ITPKB: variants seen among roughly 807,000 people sequenced by gnomAD.
ITPKB encodes the protein IP3 3-kinase B.
A neutral mutation model predicts 69.4 loss-of-function variants in ITPKB; 13 were observed. The ratio of observed to expected loss-of-function variants is 0.19; its 90% CI spans 0.12 to 0.30. The LOEUF is 0.30. Among genes scored for constraint, ITPKB ranks in the 10% least tolerant of loss-of-function variants. The pLI, the probability that ITPKB is intolerant of heterozygous loss-of-function variation, is 1.00. For synonymous variants in ITPKB, 584 were observed against 513.7 expected (o/e 1.14, Z -1.85); for missense variants, 1,240 against 1,250.5 (o/e 0.99, Z 0.13).
rs760843632 is a variant in ITPKB, at chr1:226,638,318, C to T, written c.2554-568G>A. Among the ~76,000 whole-genome samples, 4 of 152,312 alleles carry T rather than the reference C, an allele frequency of 2.6e-5. No individual in the cohort carries two copies. In the East Asian group the frequency reaches 5.8e-4, roughly 22 times the overall value. ...GGGCTACGAAAGAGTCAGGCACATT[C>T]CCCCTGCCTGCAGCCTCAGAGCTTG... On this transcript the variant is annotated intron_variant, in intron 6 of 7. Transcript: ENST00000429204.
intron 2 of ITPKB, chr1:226,707,462 G>A: frequency 2.2e-6 from 2 of 894,766 alleles, no homozygotes; most frequent in Non-Finnish European, 2.7e-6. Context: ...CTCCTAAAGT[G>A]CTGGGATTAC....
At chr1:226,693,165 G>A (rs1169638135) in intron 2 of ITPKB, among the ~76,000 whole-genome samples, 1 of 152,224 alleles carries the variant, frequency 6.6e-6, no homozygotes, top group East Asian at 1.9e-4. Flanking sequence ...TGAGCAGACA[G>A]CACCCAGCTC....
intron 2 of ITPKB, among the ~76,000 whole-genome samples, chr1:226,718,861 C>G (rs1438380916): frequency 6.6e-6 from 1 of 152,168 alleles, no homozygotes; most frequent in African/African-American, 2.4e-5. Context: ...CAACTGCACT[C>G]CTGAGCATTT....
chr1:226,641,891 C>A lies in ITPKB; in HGVS notation c.2451+30G>T, dbSNP rs762455403. On this transcript the variant is annotated intron_variant, in intron 5 of 7. Transcript: ENST00000429204. This position sits in a 1 kb window ranked among gnomAD's most constrained non-coding sequence, Gnocchi z 4.6. ...CCCCCTGAGGTGGGCACGGGTGGGG[C>A]CCGAGGCTGCCCTCACTCGCCGGCC... 5.6e-6 allele frequency: 9 copies of A among 1,596,488 alleles called. No homozygotes were observed. Among genetic ancestry groups the A allele is most frequent in the Non-Finnish European group, 6.8e-6 (8 of 1,168,406 alleles).
chr1:226,653,086 C>T (rs866753821), intron 2 of ITPKB, among the ~76,000 whole-genome samples: 1 of 152,192 alleles, frequency 6.6e-6, no homozygotes, highest in Non-Finnish European at 1.5e-5. Context: ...ATGGGGCTCT[C>T]GCTATGTGAC....
In ITPKB at chr1:226,685,847, G is replaced by A. The variant is rs116025009; in HGVS notation, c.1933-37076C>T. Among the ~76,000 whole-genome samples, 610 of 152,344 alleles carry A rather than the reference G, an allele frequency of 4.0e-3. 4 individuals carry two copies. The highest frequency in any genetic ancestry group is 0.014 in the African/African-American group (592 of 41,582). Reference sequence around the variant, plus strand: ...TTCTCATCCATGAAGCTCTGGAGCTGGGGAAATGAAGCGGCTGGCTGCTGG... The same window carrying A: ...TTCTCATCCATGAAGCTCTGGAGCTAGGGAAATGAAGCGGCTGGCTGCTGG... On this transcript the variant is annotated intron_variant, in intron 2 of 7. Transcript: ENST00000429204.
chr1:226,695,658 C>A (rs1656462895), intron 2 of ITPKB, among the ~76,000 whole-genome samples: 1 of 152,250 alleles, frequency 6.6e-6, no homozygotes, highest in Non-Finnish European at 1.5e-5. Flanking sequence ...GGGGCCTCCC[C>A]CTCCCCTACA....
chr1:226,727,824 T>A (rs943753023), intron 2 of ITPKB, among the ~76,000 whole-genome samples: 4 of 152,144 alleles, frequency 2.6e-5, no homozygotes, highest in African/African-American at 9.7e-5. Context: ...TTACCCTTCA[T>A]CATTAATACG....
chr1:226,688,664 G>C (rs1224972629), intron 2 of ITPKB, among the ~76,000 whole-genome samples: 2 of 152,170 alleles, frequency 1.3e-5, no homozygotes, highest in African/African-American at 2.4e-5. Context: ...CAGCCTGCCG[G>C]GTCCCAGGCA....
chr1:226,667,629 C>A (rs991943169), intron 2 of ITPKB, among the ~76,000 whole-genome samples: 1 of 152,152 alleles, frequency 6.6e-6, no homozygotes, highest in Admixed American at 6.5e-5. Flanking sequence ...TCAGACCACC[C>A]ACATTTTCTG....
intron 2 of ITPKB, among the ~76,000 whole-genome samples, chr1:226,724,383 A>G (rs529088535): frequency 2.6e-5 from 4 of 152,046 alleles, no homozygotes; most frequent in Non-Finnish European, 4.4e-5. Flanking sequence ...TGCCTCAGAC[A>G]CCCTTATTCA....
At chr1:226,732,497 G>A (rs562582761) in intron 2 of ITPKB, among the ~76,000 whole-genome samples, 57 of 150,832 alleles carry the variant, frequency 3.8e-4, no homozygotes, top group Admixed American at 1.3e-3. Context: ...CTTGGCCTCC[G>A]AAAGTGCTGG....
intron 2 of ITPKB, among the ~76,000 whole-genome samples, chr1:226,726,217 T>G (rs536244885): frequency 1.3e-5 from 2 of 152,318 alleles, no homozygotes; most frequent in East Asian, 1.9e-4. Context: ...GAGTCACAAG[T>G]CTTTCAAGCA....
intron 2 of ITPKB, among the ~76,000 whole-genome samples, chr1:226,699,818 A>G (rs1328939095): frequency 6.6e-6 from 1 of 152,214 alleles, no homozygotes; most frequent in Non-Finnish European, 1.5e-5. Context: ...GACAGAACCA[A>G]TAGGATAGAT....
At chr1:226,726,383 G>A (rs544383666) in intron 2 of ITPKB, among the ~76,000 whole-genome samples, 6 of 152,350 alleles carry the variant, frequency 3.9e-5, no homozygotes, top group Admixed American at 2.0e-4. Flanking sequence ...AGAAGGCCAG[G>A]CTCAGTGGCT....
chr1:226,685,898 A>C (rs774689061), intron 2 of ITPKB, among the ~76,000 whole-genome samples: 14 of 152,232 alleles, frequency 9.2e-5, no homozygotes, highest in Non-Finnish European at 1.5e-4. Context: ...GTGGGGCAGC[A>C]CGAGGAAGGT....
chr1:226,734,790 T>C (rs1434448646), intron 2 of ITPKB, among the ~76,000 whole-genome samples: 1 of 152,210 alleles, frequency 6.6e-6, no homozygotes, highest in Non-Finnish European at 1.5e-5. Flanking sequence ...TGTCAACCTG[T>C]ACCAACTGAC....
chr1:226,700,372 G>C (rs1378667178), intron 2 of ITPKB, among the ~76,000 whole-genome samples: 1 of 147,858 alleles, frequency 6.8e-6, no homozygotes, highest in Non-Finnish European at 1.5e-5. Context: ...GGGAGGCTGA[G>C]ACAGGGGAAT....
At position 226,736,571 on chromosome 1, in the gene ITPKB, G is replaced by A. The variant is rs769406538; in HGVS notation, c.888C>T (p.Phe296=). The change falls in exon 2 of 8, where the codon TTC becomes TTT. Residue 296 remains phenylalanine, a synonymous_variant. Coordinates refer to ENST00000429204, the MANE Select transcript of ITPKB (RefSeq NM_002221.4). ...CCGTGGCCATCGTTAAGCTAGCTCC[G>A]AACAGCCCCAATGAGGGAGCTAGGC... ...RSCLAPSLGL[F]GASLTMATEV... The A allele has an allele frequency of 2.5e-6, 4 of 1,613,980 alleles. No homozygotes were observed. The highest frequency in any genetic ancestry group is 3.4e-6 in the Non-Finnish European group (4 of 1,180,038).
Sources: allele counts gnomAD v4.1 joint callset (sites outside exome capture counted in the v4.1 genomes callset), GRCh38; gene constraint gnomAD v4.1.1; non-coding constraint Gnocchi (gnomAD v3.1); transcripts MANE v1.5; gene names NCBI Gene and HGNC (gene_info 2026-07-23, HGNC 2026-07-21).